The following MAP3K5 variants were observed in gnomAD, a reference collection of about 807,000 sequenced individuals.
The protein encoded by MAP3K5 is mitogen-activated protein kinase kinase kinase 5.
In MAP3K5, 56 loss-of-function variants were observed where a neutral mutation model predicts 158.7. The observed-to-expected ratio is 0.35, with a 90% CI of 0.28 to 0.44. MAP3K5 has a LOEUF of 0.44. MAP3K5 is among the 20% of genes least tolerant of loss of function. The pLI, the probability that MAP3K5 is intolerant of heterozygous loss-of-function variation, is 1.00. For synonymous variants in MAP3K5, 579 were observed against 601.7 expected, an observed-to-expected ratio of 0.96 and a Z score of 0.55; for missense variants, 1,294 against 1,674.8, an observed-to-expected ratio of 0.77 and a Z score of 3.97.
chr6:136,679,006 A>G (rs1228904419), intron 7 of MAP3K5, among the ~76,000 whole-genome samples: 1 of 151,958 alleles, frequency 6.6e-6, no homozygotes, highest in Non-Finnish European at 1.5e-5. Flanking sequence ...GATTACAGGC[A>G]TGAGCCACTG....
chr6:136,676,431 A>G (rs181486662), intron 7 of MAP3K5, among the ~76,000 whole-genome samples: 4 of 152,340 alleles, frequency 2.6e-5, no homozygotes, highest in African/African-American at 7.2e-5. Flanking sequence ...AGTGAATTGC[A>G]TATCACTTTC....
intron 1 of MAP3K5, among the ~76,000 whole-genome samples, chr6:136,739,422 C>T (rs937597658): frequency 1.3e-5 from 2 of 152,198 alleles, no homozygotes; most frequent in East Asian, 3.8e-4. Context: ...ACATCAGCCA[C>T]GACTAGAGAG....
At chr6:136,762,051 T>A (rs1783783298) in intron 1 of MAP3K5, among the ~76,000 whole-genome samples, 1 of 152,192 alleles carries the variant, frequency 6.6e-6, no homozygotes, top group Non-Finnish European at 1.5e-5. Flanking sequence ...AATCTTGAAA[T>A]GAACTCTGCA....
intron 1 of MAP3K5, among the ~76,000 whole-genome samples, chr6:136,752,670 C>T (rs111549372): frequency 6.6e-6 from 1 of 152,188 alleles, no homozygotes; most frequent in African/African-American, 2.4e-5. Context: ...CCTCGGCCTC[C>T]CAGAGTGCTG....
Position 136,777,172 on chromosome 6 carries a change from T to C in MAP3K5, c.448+14538A>G, listed in dbSNP as rs1358300934. Among the ~76,000 whole-genome samples the C allele has an allele frequency of 2.6e-5, 4 of 152,244 alleles. No individual in the cohort carries two copies. The East Asian group carries it at 5.8e-4, about 22-fold the overall frequency. On this transcript the variant is annotated intron_variant, in intron 1 of 29. Coordinates refer to ENST00000359015, the MANE Select transcript of MAP3K5 (RefSeq NM_005923.4). Reference sequence around the variant, plus strand: ...AAGCTACAACCTTGTTCTCTTTCACTAGGTCAAGCCAAGCAACTTGTGCCC... The same window carrying C: ...AAGCTACAACCTTGTTCTCTTTCACCAGGTCAAGCCAAGCAACTTGTGCCC...
At chr6:136,610,391 T>C (rs569413091) in intron 18 of MAP3K5, among the ~76,000 whole-genome samples, 1 of 152,202 alleles carries the variant, frequency 6.6e-6, no homozygotes, top group South Asian at 2.1e-4. Context: ...CGTTGCCTAC[T>C]TTCTCAGGAA....
chr6:136,598,020 TATA>T (rs1185185059), intron 21 of MAP3K5, among the ~76,000 whole-genome samples: 14 of 152,248 alleles, frequency 9.2e-5, no homozygotes, highest in African/African-American at 1.7e-4. Flanking sequence ...AGTGCTGGTC[TATA>T]ATATTATTTC....
Position 136,698,471 on chromosome 6 carries a change from T to C in MAP3K5, c.806+18A>G. ...ACTTTATTGTCATCACCAAATGGCA[T>C]TATTAATTAAACTTTACCTAGAACT... On this transcript the variant is annotated intron_variant, in intron 4 of 29. Transcript: ENST00000359015. 1 of 1,604,992 alleles carries C rather than the reference T, an allele frequency of 6.2e-7. No individual in the cohort carries two copies. Among genetic ancestry groups the C allele is most frequent in the Non-Finnish European group, 8.5e-7 (1 of 1,172,540 alleles).
chr6:136,747,224 C>T (rs183531442), intron 1 of MAP3K5, among the ~76,000 whole-genome samples: 1 of 152,224 alleles, frequency 6.6e-6, no homozygotes, highest in African/African-American at 2.4e-5. Flanking sequence ...CTATTTTCTG[C>T]TTTCCTAAAG....
chr6:136,723,904 C>T (rs1407245744), intron 1 of MAP3K5, among the ~76,000 whole-genome samples: 2 of 152,098 alleles, frequency 1.3e-5, no homozygotes, highest in Non-Finnish European at 1.5e-5. Flanking sequence ...GGGTCCTCAA[C>T]ATTTCTGCAT....
chr6:136,580,348 C>A lies in MAP3K5; in HGVS notation c.3470G>T (p.Ser1157Ile), dbSNP rs779633360. The change falls in exon 25 of 30, where the codon AGT (serine) becomes ATT (isoleucine). Residue 1157 changes from serine (S) to isoleucine (I), a missense_variant. This residue lies in a region of MAP3K5 where 362 missense variants were observed against 463.2 expected (regional missense o/e 0.78). Transcript: ENST00000359015. Reference sequence around the variant, plus strand: ...TGTCTGTACCGCCTTCCGAATGATACTGTCTAAGGCAAACATCCAGTGCGG... The same window carrying A: ...TGTCTGTACCGCCTTCCGAATGATAATGTCTAAGGCAAACATCCAGTGCGG... ...IKPHWMFALD[S>I]IIRKAVQTAI... 1 of 1,613,716 alleles carries A rather than the reference C, an allele frequency of 6.2e-7. No homozygotes were observed.
chr6:136,575,258 C>A (rs1261234328), intron 25 of MAP3K5, among the ~76,000 whole-genome samples: 1 of 150,752 alleles, frequency 6.6e-6, no homozygotes, highest in East Asian at 2.0e-4. Flanking sequence ...ACCTCCTGGG[C>A]TCAATTGATC....
intron 14 of MAP3K5, among the ~76,000 whole-genome samples, chr6:136,623,203 C>A (rs1252618999): frequency 6.6e-6 from 1 of 152,208 alleles, no homozygotes; most frequent in Non-Finnish European, 1.5e-5. Context: ...GTGGGGATTA[C>A]ATAGTTAACT....
At position 136,658,305 on chromosome 6, in the gene MAP3K5, C is replaced by CT. The variant is rs201524930; in HGVS notation, c.1526+913dup. 5.6e-3 allele frequency among the ~76,000 whole-genome samples: 628 copies of CT among 112,064 alleles called. 20 individuals are homozygous for CT. Among genetic ancestry groups the CT allele is most frequent in the Admixed American group, 0.016 (155 of 9,576 alleles). The allele number at this position is 112,064 out of a possible 152,430, so 73.5% of individuals were successfully genotyped here. On this transcript the variant is annotated intron_variant, in intron 9 of 29. Coordinates refer to ENST00000359015, the MANE Select transcript of MAP3K5 (RefSeq NM_005923.4). ...CTTTTTCTTTTTCTTTTCTTTCTTTCTTTCTTTCTTTTTTTTTTTTTTTTT... is the reference window on the plus strand; with the variant it reads ...CTTTTTCTTTTTCTTTTCTTTCTTTCTTTTCTTTCTTTTTTTTTTTTTTTTT...
chr6:136,658,305 CTTTCTTTCT>C (rs1158430371), intron 9 of MAP3K5, among the ~76,000 whole-genome samples: 4 of 112,236 alleles, frequency 3.6e-5, no homozygotes, highest in African/African-American at 7.0e-5. Context: ...TTCTTTCTTT[CTTTCTTTCT>C]TTTTTTTTTT....
rs539604074 is a variant in MAP3K5 at position 136,747,381 on chromosome 6, C to T, written c.449-26792G>A. On this transcript the variant is annotated intron_variant, in intron 1 of 29. Coordinates refer to ENST00000359015, the MANE Select transcript of MAP3K5 (RefSeq NM_005923.4). ...AGCAGGGCTTCTAGTCCTGTTAGTA[C>T]GGGTGCTGTCTAGATACACTCTGGC... Among the ~76,000 whole-genome samples the T allele has an allele frequency of 4.6e-5, 7 of 152,272 alleles. No individual in the cohort carries two copies. In the South Asian group the frequency reaches 8.3e-4, roughly 18 times the overall value.
At chr6:136,667,325 A>C (rs907284146) in intron 8 of MAP3K5, among the ~76,000 whole-genome samples, 4 of 152,238 alleles carry the variant, frequency 2.6e-5, no homozygotes, top group East Asian at 1.9e-4. Flanking sequence ...GCTAGTATAG[A>C]GTTTTTAATT....
chr6:136,640,778 T>G (rs562872929), intron 12 of MAP3K5, among the ~76,000 whole-genome samples: 38 of 152,326 alleles, frequency 2.5e-4, no homozygotes, highest in African/African-American at 8.9e-4. Context: ...CTGTGCAAGT[T>G]CTGAGGTGAC....
intron 18 of MAP3K5, among the ~76,000 whole-genome samples, chr6:136,606,523 C>T (rs1253484459): frequency 6.6e-6 from 1 of 152,190 alleles, no homozygotes; most frequent in African/African-American, 2.4e-5. Flanking sequence ...AGTACAACTA[C>T]CTCATTAACC....
Sources: gnomAD v4.1 joint callset for allele counts (sites outside exome capture counted in the v4.1 genomes callset) on GRCh38, gnomAD v4.1.1 for gene constraint, gnomAD v4.1.1 regional missense constraint, MANE v1.5 for transcripts, NCBI Gene and HGNC (gene_info 2026-07-23, HGNC 2026-07-21) for gene names.